PLPP4: variants seen among roughly 807,000 people sequenced by gnomAD.
PLPP4 encodes phospholipid phosphatase 4, also known as diacylglycerol pyrophosphate like 2.
A neutral mutation model predicts 32.2 loss-of-function variants in PLPP4; 20 were observed. That is an observed-to-expected ratio of 0.62 (90% CI 0.44 to 0.90). The LOEUF (loss-of-function observed/expected upper bound fraction) is 0.90. PLPP4 is among the 40% of genes least tolerant of loss of function. The pLI is 0.00. For missense variants in PLPP4, 257 were observed against 353.1 expected, an observed-to-expected ratio of 0.73 and a Z score of 2.18; for synonymous variants, 127 against 133.0, an observed-to-expected ratio of 0.95 and a Z score of 0.31.
chr10:120,562,403 G>A (rs532254252), intron 5 of PLPP4, among the ~76,000 whole-genome samples: 16 of 151,724 alleles, frequency 1.1e-4, no homozygotes, highest in Admixed American at 2.6e-4. Flanking sequence ...CATTTTTTTC[G>A]TTTCTAATTC....
At chr10:120,508,849 A>C (rs1013260557) in intron 2 of PLPP4, among the ~76,000 whole-genome samples, 3 of 152,168 alleles carry the variant, frequency 2.0e-5, no homozygotes, top group African/African-American at 7.2e-5. Context: ...CATCAATCCT[A>C]TGTGTCTGGT....
chr10:120,578,325 G>A (rs1849320407), intron 6 of PLPP4, among the ~76,000 whole-genome samples: 1 of 152,192 alleles, frequency 6.6e-6, no homozygotes, highest in Non-Finnish European at 1.5e-5. Flanking sequence ...GCCTGATTAA[G>A]ATAAATAACT....
chr10:120,548,208 T>C (rs1015472541), intron 5 of PLPP4, among the ~76,000 whole-genome samples: 6 of 152,134 alleles, frequency 3.9e-5, no homozygotes, highest in Non-Finnish European at 8.8e-5. Flanking sequence ...ATAGGTGTTT[T>C]TTTGATCCTC....
intron 5 of PLPP4, among the ~76,000 whole-genome samples, chr10:120,573,146 A>G (rs1849022490): frequency 6.6e-6 from 1 of 152,244 alleles, no homozygotes; most frequent in Admixed American, 6.5e-5. Context: ...CTCTTCTCAA[A>G]GAAAACAAGC....
chr10:120,480,940 C>A (rs1289819690), intron 1 of PLPP4, among the ~76,000 whole-genome samples: 1 of 152,236 alleles, frequency 6.6e-6, no homozygotes, highest in African/African-American at 2.4e-5. Flanking sequence ...AGCACTCTAA[C>A]AGTACCCCTT....
At chr10:120,460,825 T>C (rs911677624) in intron 1 of PLPP4, among the ~76,000 whole-genome samples, 14 of 152,208 alleles carry the variant, frequency 9.2e-5, no homozygotes, top group Non-Finnish European at 1.9e-4. Flanking sequence ...TGGATTCTGT[T>C]CATTATTCCC....
chr10:120,591,635 C>G lies in PLPP4; in HGVS notation c.*2133C>G, dbSNP rs1849996702. Reference sequence around the variant, plus strand: ...TACTGTTAAAAAAAAAAACCCCATCCTGATGTGGCCCACATTCTTATTTGA... The same window carrying G: ...TACTGTTAAAAAAAAAAACCCCATCGTGATGTGGCCCACATTCTTATTTGA... On this transcript the variant is annotated 3_prime_UTR_variant, in exon 7 of 7. Coordinates refer to ENST00000398250, the MANE Select transcript of PLPP4 (RefSeq NM_001030059.3). Among the ~76,000 whole-genome samples the G allele has an allele frequency of 6.6e-6, 1 of 151,454 alleles. No individual in the cohort carries two copies. The highest frequency in any genetic ancestry group is 2.4e-5 in the African/African-American group (1 of 41,218).
At chr10:120,581,119 C>T (rs1445898162) in intron 6 of PLPP4, 6 of 1,227,076 alleles carry the variant, frequency 4.9e-6, no homozygotes, top group African/African-American at 1.6e-5. Flanking sequence ...CATTCTCAGT[C>T]AGGACTTCTG....
At chr10:120,561,767 A>T (rs1400605661) in intron 5 of PLPP4, among the ~76,000 whole-genome samples, 1 of 152,166 alleles carries the variant, frequency 6.6e-6, no homozygotes, top group Non-Finnish European at 1.5e-5. Context: ...ATGGAGAATC[A>T]CTTGTCAACT....
chr10:120,520,848 C>T, intron 4 of PLPP4, 123 bp from the exon 5 acceptor site: 2 of 1,184,842 alleles, frequency 1.7e-6, no homozygotes, highest in Non-Finnish European at 2.4e-6. Context: ...TGAGGAGCTC[C>T]AGTGTTGACA....
chr10:120,533,073 G>A (rs548417264), intron 5 of PLPP4, among the ~76,000 whole-genome samples: 1 of 152,234 alleles, frequency 6.6e-6, no homozygotes, highest in African/African-American at 2.4e-5. Context: ...TGGTAACTCT[G>A]GGTATAAATT....
chr10:120,572,545 C>T (rs1848992515), intron 5 of PLPP4, among the ~76,000 whole-genome samples: 1 of 152,244 alleles, frequency 6.6e-6, no homozygotes, highest in South Asian at 2.1e-4. Context: ...TGCCTCTCCC[C>T]TGATTCAGAT....
At chr10:120,552,165 G>GGGGT (rs370982803) in intron 5 of PLPP4, among the ~76,000 whole-genome samples, 8 of 138,634 alleles carry the variant, frequency 5.8e-5, no homozygotes, top group African/African-American at 1.6e-4. Flanking sequence ...GTGGTGGTGG[G>GGGGT]GTGTGTGTGT....
At chr10:120,506,048 A>T (rs1004112968) in intron 2 of PLPP4, among the ~76,000 whole-genome samples, 1 of 152,378 alleles carries the variant, frequency 6.6e-6, no homozygotes, top group Non-Finnish European at 1.5e-5. Context: ...TATTCTGGCT[A>T]CAGACGTAAA....
intron 3 of PLPP4, among the ~76,000 whole-genome samples, chr10:120,516,762 G>T (rs1293841686): frequency 6.6e-6 from 1 of 152,154 alleles, no homozygotes; most frequent in Non-Finnish European, 1.5e-5. Flanking sequence ...CCTGATAGGG[G>T]CCATTTATTT....
chr10:120,549,527 G>GT (rs1231860835), intron 5 of PLPP4, among the ~76,000 whole-genome samples: 2 of 151,774 alleles, frequency 1.3e-5, no homozygotes, highest in Non-Finnish European at 2.9e-5. Context: ...TACAGATAAG[G>GT]TAATAGGATA....
Position 120,580,671 on chromosome 10 carries a change from AC to A in PLPP4, c.616+5371del, listed in dbSNP as rs1564855604. Among the ~76,000 whole-genome samples the A allele has an allele frequency of 5.1e-4, 75 of 146,984 alleles. 1 individual carries two copies. Among genetic ancestry groups the A allele is most frequent in the Admixed American group, 2.4e-3 (35 of 14,600 alleles). On this transcript the variant is annotated intron_variant, in intron 6 of 6. Transcript: ENST00000398250. Reference sequence around the variant, plus strand: ...CACACACACACACACACACACACACACACACACACGGCTGAGGGACATACAC... The same window carrying A: ...CACACACACACACACACACACACACAACACACACGGCTGAGGGACATACAC...
chr10:120,518,668 C>T (rs1218051872), intron 3 of PLPP4, among the ~76,000 whole-genome samples, 165 bp from the exon 4 acceptor site: 1 of 152,120 alleles, frequency 6.6e-6, no homozygotes, highest in African/African-American at 2.4e-5. Flanking sequence ...TTATATTTTG[C>T]TCTCTAGCAA....
chr10:120,463,147 C>G (rs1247072571), intron 1 of PLPP4, among the ~76,000 whole-genome samples: 1 of 151,178 alleles, frequency 6.6e-6, no homozygotes, highest in Non-Finnish European at 1.5e-5. Context: ...CCTGCCTCAG[C>G]CTCCCAGTAG....
Sources: allele counts gnomAD v4.1 joint callset (sites outside exome capture counted in the v4.1 genomes callset), GRCh38; gene constraint gnomAD v4.1.1; transcripts MANE v1.5; gene names NCBI Gene and HGNC (gene_info 2026-07-23, HGNC 2026-07-21).